Variants in FAM227A observed in about 807,000 individuals in gnomAD.
The protein encoded by FAM227A is protein FAM227A.
Under a neutral mutation model 74.7 loss-of-function variants are expected in FAM227A, and 80 were observed. That is an observed-to-expected ratio of 1.07 (90% CI 0.89 to 1.29). The LOEUF (loss-of-function observed/expected upper bound fraction) is 1.29, where lower values mean the gene tolerates loss of function less well. FAM227A is among the 50% of genes most tolerant of loss of function. The pLI, the probability that FAM227A is intolerant of heterozygous loss-of-function variation, is 0.00. For synonymous variants in FAM227A, 237 were observed against 241.8 expected (o/e 0.98, Z 0.19); for missense variants, 654 against 683.4 (o/e 0.96, Z 0.48).
chr22:38,653,447 G>A (rs995723131), intron 1 of FAM227A, among the ~76,000 whole-genome samples: 1 of 150,978 alleles, frequency 6.6e-6, no homozygotes. Context: ...CACAATCTTG[G>A]CTCAGTGCAA....
At chr22:38,589,273 C>T (rs1020814617) in intron 16 of FAM227A, among the ~76,000 whole-genome samples, 2 of 152,146 alleles carry the variant, frequency 1.3e-5, no homozygotes, top group Non-Finnish European at 2.9e-5. Context: ...CCCTGAACCC[C>T]GCACAGGAAG....
At position 38,654,840 on chromosome 22, in the gene FAM227A, C is replaced by T. The variant is rs898704605; in HGVS notation, c.-95+1280G>A. On this transcript the variant is annotated intron_variant, in intron 1 of 16. Transcript: ENST00000535113. ...GCGGGCGCCTGTAATCCCAGCTATT[C>T]GAGAGGCTGAGGCAGGACAATGGCA... Among the ~76,000 whole-genome samples the T allele has an allele frequency of 6.2e-5, 9 of 144,462 alleles. No homozygotes were observed. In the East Asian group the frequency reaches 8.2e-4, roughly 13 times the overall value. 94.8% of individuals were successfully genotyped at this position (144,462 alleles called of 152,430 possible).
Position 38,586,316 on chromosome 22 carries a change from T to A in FAM227A, c.1639-117A>T, listed in dbSNP as rs5750627. 6.0e-6 allele frequency: 7 copies of A among 1,159,386 alleles called. No individual in the cohort carries two copies. In the South Asian group the frequency reaches 1.1e-4, roughly 18 times the overall value. The allele number at this position is 1,159,386 out of a possible 1,614,324, so 71.8% of individuals were successfully genotyped here. A position where few individuals can be genotyped will look rare whatever the true frequency, so the allele number is the denominator to read the frequency against. ...GGTGATCCTTGTGTGCATGGAATAT[T>A]GAGGGCGTGCTCCTGCCTCCAGAGA... is the stretch of plus-strand genomic sequence containing the variant. On this transcript the variant is annotated intron_variant, in intron 16 of 16. Coordinates refer to ENST00000535113, the MANE Select transcript of FAM227A (RefSeq NM_001013647.2).
intron 2 of FAM227A, among the ~76,000 whole-genome samples, chr22:38,647,663 A>G (rs1479405038): frequency 1.3e-5 from 2 of 151,900 alleles, no homozygotes; most frequent in African/African-American, 4.8e-5. Context: ...CAGCTTTTAT[A>G]TTTCTTTCTG....
intron 11 of FAM227A, among the ~76,000 whole-genome samples, chr22:38,615,323 C>T (rs1308388398): frequency 6.6e-6 from 1 of 152,162 alleles, no homozygotes; most frequent in Non-Finnish European, 1.5e-5. Context: ...CGCGCCCGGA[C>T]AGAGTTTACC....
At chr22:38,641,976 CGCACGTGTGT>C (rs2092126824) in intron 3 of FAM227A, among the ~76,000 whole-genome samples, 1 of 123,060 alleles carries the variant, frequency 8.1e-6, no homozygotes, top group African/African-American at 3.6e-5. Flanking sequence ...TGTGTGTGTG[CGCACGTGTGT>C]GTGCGCGTGT....
intron 13 of FAM227A, among the ~76,000 whole-genome samples, chr22:38,601,431 G>A (rs1307546354): frequency 6.6e-6 from 1 of 151,728 alleles, no homozygotes; most frequent in East Asian, 1.9e-4. Context: ...CAGAAATGAG[G>A]TGGCTCACAG....
intron 8 of FAM227A, among the ~76,000 whole-genome samples, chr22:38,627,392 A>T (rs2091831203): frequency 6.6e-6 from 1 of 151,770 alleles, no homozygotes; most frequent in African/African-American, 2.4e-5. Flanking sequence ...ACATGGTGAA[A>T]CCCTGTCTCT....
At position 38,606,019 on chromosome 22, in the gene FAM227A, A is replaced by G. The variant is rs375845537; in HGVS notation, c.1127-671T>C. Among the ~76,000 whole-genome samples, 21 of 152,344 alleles carry G rather than the reference A, an allele frequency of 1.4e-4. 1 individual carries two copies. In the East Asian group the frequency reaches 3.9e-3, roughly 28 times the overall value. Reference sequence around the variant, plus strand: ...TTGCCATCCATTCATTACCAGGGCTAGACTAACAGACAAAATTGCTAACAT... The same window carrying G: ...TTGCCATCCATTCATTACCAGGGCTGGACTAACAGACAAAATTGCTAACAT... On this transcript the variant is annotated intron_variant, in intron 12 of 16. Transcript: ENST00000535113.
chr22:38,629,001 T>C lies in FAM227A; in HGVS notation c.520-66A>G, dbSNP rs540060140. ...TTTTTAAAAATCCATCTGGAGTCAA[T>C]GTATTTTAGAATGAACAGAAAAACC... On this transcript the variant is annotated intron_variant, in intron 6 of 16. Transcript: ENST00000535113. 3.3e-5 allele frequency: 34 copies of C among 1,023,424 alleles called. No individual in the cohort carries two copies. In the South Asian group the frequency reaches 5.2e-4, roughly 16 times the overall value. 63.4% of individuals were successfully genotyped at this position (1,023,424 alleles called of 1,614,324 possible). A position where few individuals can be genotyped will look rare whatever the true frequency, so the allele number is the denominator to read the frequency against.
chr22:38,637,220 T>C (rs539109524), intron 5 of FAM227A, among the ~76,000 whole-genome samples: 1 of 152,298 alleles, frequency 6.6e-6, no homozygotes, highest in Non-Finnish European at 1.5e-5. Flanking sequence ...TCACTTTAGA[T>C]TTTCATGTAG....
At chr22:38,598,606 C>A (rs1007440551) in intron 14 of FAM227A, among the ~76,000 whole-genome samples, 9 of 152,322 alleles carry the variant, frequency 5.9e-5, no homozygotes, top group African/African-American at 2.2e-4. Context: ...ACGCAAAGTC[C>A]TCCTAGTTCA....
intron 15 of FAM227A, among the ~76,000 whole-genome samples, chr22:38,593,500 G>A (rs912047179): frequency 3.3e-5 from 5 of 152,032 alleles, no homozygotes; most frequent in African/African-American, 1.2e-4. Flanking sequence ...GCAAGACTCC[G>A]TCTCTAAAAC....
At chr22:38,613,570 A>T (rs530916860) in intron 11 of FAM227A, among the ~76,000 whole-genome samples, 11 of 149,692 alleles carry the variant, frequency 7.3e-5, no homozygotes, top group Non-Finnish European at 1.3e-4. Flanking sequence ...TGCACCTGAC[A>T]TATATAACGG....
chr22:38,648,239 C>T (rs911440402), intron 2 of FAM227A, among the ~76,000 whole-genome samples: 4 of 150,610 alleles, frequency 2.7e-5, no homozygotes, highest in African/African-American at 7.4e-5. Context: ...TGGACGATGC[C>T]AGAAGGAGCA....
At chr22:38,622,143 C>G (rs1158282480) in intron 10 of FAM227A, among the ~76,000 whole-genome samples, 1 of 152,220 alleles carries the variant, frequency 6.6e-6, no homozygotes, top group Non-Finnish European at 1.5e-5. Flanking sequence ...GAATAATCTG[C>G]CCCTTAATTT....
intron 6 of FAM227A, among the ~76,000 whole-genome samples, chr22:38,633,789 C>A (rs368678831): frequency 1.3e-5 from 2 of 152,144 alleles, no homozygotes; most frequent in African/African-American, 2.4e-5. Context: ...ATCCAACCAC[C>A]TTTGCCTCCC....
intron 3 of FAM227A, among the ~76,000 whole-genome samples, chr22:38,643,531 A>G (rs1238358517): frequency 3.3e-5 from 5 of 152,214 alleles, no homozygotes; most frequent in Non-Finnish European, 7.4e-5. Flanking sequence ...TGGAGCCGCA[A>G]GAACCCTCAT....
At chr22:38,609,255 G>C (rs924693643) in intron 11 of FAM227A, among the ~76,000 whole-genome samples, 2 of 152,212 alleles carry the variant, frequency 1.3e-5, no homozygotes, top group African/African-American at 4.8e-5. Flanking sequence ...TCATTAACTG[G>C]ATCTTAGTCA....
Sources: allele counts gnomAD v4.1 joint callset (sites outside exome capture counted in the v4.1 genomes callset), GRCh38; gene constraint gnomAD v4.1.1; transcripts MANE v1.5; gene names NCBI Gene and HGNC (gene_info 2026-07-23, HGNC 2026-07-21).